Variants in RASA3 observed in about 807,000 individuals in gnomAD.
RASA3 encodes ras GTPase-activating protein 3.
RASA3 carries 73 observed loss-of-function variants against 110.0 expected under a neutral mutation model. The ratio of observed to expected loss-of-function variants is 0.66; its 90% CI spans 0.55 to 0.81. RASA3 has a LOEUF of 0.81. RASA3 is among the 30% of genes least tolerant of loss of function. The pLI is 0.00. For synonymous variants in RASA3, 500 were observed against 451.4 expected (o/e 1.11, Z -1.37); for missense variants, 976 against 1,113.2 (o/e 0.88, Z 1.75).
intron 4 of RASA3, among the ~76,000 whole-genome samples, chr13:114,038,200 C>T (rs1431887923): frequency 6.6e-6 from 1 of 152,228 alleles, no homozygotes; most frequent in African/African-American, 2.4e-5. Context: ...GACGGAGACC[C>T]CAGCGACGGC....
chr13:114,075,367 GC>G (rs2079651459), intron 1 of RASA3, among the ~76,000 whole-genome samples: 1 of 152,224 alleles, frequency 6.6e-6, no homozygotes, highest in Non-Finnish European at 1.5e-5. Flanking sequence ...TCAGTTTGAA[GC>G]TTTTTAAAGA....
At position 113,984,258 on chromosome 13, in the gene RASA3, TGTCCATCCACCCATCACTCATCCCTCG is replaced by T. The variant is rs1442856631; in HGVS notation, c.2246-2427_2246-2401del. On this transcript the variant is annotated intron_variant, in intron 22 of 23. Coordinates refer to ENST00000334062, the MANE Select transcript of RASA3 (RefSeq NM_007368.4). ...TCCATCCATCCATTACTCACCCATC[TGTCCATCCACCCATCACTCATCCCTCG>T]GTCCATCCACCCATCACTCACCCTA... Among the ~76,000 whole-genome samples the T allele has an allele frequency of 1.3e-4, 14 of 105,424 alleles. 1 individual carries two copies. The South Asian group carries it at 1.6e-3, about 12-fold the overall frequency. The allele number at this position is 105,424 out of a possible 152,430, so 69.2% of individuals were successfully genotyped here.
At chr13:114,030,163 G>A (rs2054120172) in intron 4 of RASA3, among the ~76,000 whole-genome samples, 1 of 152,248 alleles carries the variant, frequency 6.6e-6, no homozygotes, top group South Asian at 2.1e-4. Flanking sequence ...AGAAGTGAGG[G>A]GTCCAACCGT....
At chr13:114,117,755 TGCACGTGTGTGAGA>T (rs1349292080) in intron 1 of RASA3, among the ~76,000 whole-genome samples, 7 of 113,380 alleles carry the variant, frequency 6.2e-5, no homozygotes, top group South Asian at 3.0e-4. Context: ...GTGTGAGGGA[TGCACGTGTGTGAGA>T]GCACGTGTGT....
chr13:114,075,968 G>A lies in RASA3; in HGVS notation c.56-2131C>T, dbSNP rs528261300. Among the ~76,000 whole-genome samples, 721 of 146,116 alleles carry A rather than the reference G, an allele frequency of 4.9e-3. 8 individuals carry two copies. The highest frequency in any genetic ancestry group is 6.8e-3 in the Non-Finnish European group (444 of 65,664). ...GGCGCCGCGTATCTCTGGGTGTGGA[G>A]GCGCCGGCAGGACGAAGCCTCCCGT... is the stretch of plus-strand genomic sequence containing the variant. On this transcript the variant is annotated intron_variant, in intron 1 of 23. Coordinates refer to ENST00000334062, the MANE Select transcript of RASA3 (RefSeq NM_007368.4).
intron 1 of RASA3, among the ~76,000 whole-genome samples, chr13:114,104,184 A>G (rs867154953): frequency 5.2e-4 from 17 of 32,980 alleles, no homozygotes; most frequent in African/African-American, 2.6e-3. Context: ...CCCTGGCCAC[A>G]GACACCCACC....
intron 22 of RASA3, among the ~76,000 whole-genome samples, chr13:113,991,612 G>C (rs993636573): frequency 6.6e-6 from 1 of 152,168 alleles, no homozygotes; most frequent in Non-Finnish European, 1.5e-5. Flanking sequence ...GGCTTATCTG[G>C]ATTGCTATTT....
At chr13:114,017,594 G>A (rs995527321) in intron 11 of RASA3, among the ~76,000 whole-genome samples, 5 of 152,244 alleles carry the variant, frequency 3.3e-5, no homozygotes, top group African/African-American at 1.2e-4. Context: ...ACCAGCTCAG[G>A]AGGAGCCTGG....
At chr13:114,019,830 T>G (rs1160548165) in intron 9 of RASA3, among the ~76,000 whole-genome samples, 28 of 24,674 alleles carry the variant, frequency 1.1e-3, no homozygotes, top group African/African-American at 1.7e-3. Context: ...TTAGCAGCCC[T>G]GTCAGGTGGG....
intron 20 of RASA3, among the ~76,000 whole-genome samples, chr13:113,999,030 A>G (rs1279036823): frequency 4.0e-5 from 5 of 124,694 alleles, no homozygotes; most frequent in African/African-American, 1.6e-4. Context: ...GTGAAGGGAG[A>G]AGGAACAAGT....
chr13:114,122,465 T>C lies in RASA3; in HGVS notation c.55+9970A>G, dbSNP rs377637111. Among the ~76,000 whole-genome samples, 7 of 152,258 alleles carry C rather than the reference T, an allele frequency of 4.6e-5. No individual in the cohort carries two copies. In the East Asian group the frequency reaches 7.7e-4, roughly 17 times the overall value. ...CTGACCCCAGCCTTGGAAACCCCCA[T>C]GCAGCCTGGGCCAGAATGAAGTAGG... On this transcript the variant is annotated intron_variant, in intron 1 of 23. Transcript: ENST00000334062.
intron 3 of RASA3, among the ~76,000 whole-genome samples, chr13:114,046,608 T>C (rs1157763823): frequency 6.6e-6 from 1 of 152,220 alleles, no homozygotes; most frequent in East Asian, 1.9e-4. Flanking sequence ...GGCGTTGCCA[T>C]GGCAATGGTA....
At chr13:114,033,727 G>A (rs2054226875) in intron 4 of RASA3, among the ~76,000 whole-genome samples, 1 of 152,232 alleles carries the variant, frequency 6.6e-6, no homozygotes, top group Admixed American at 6.5e-5. Flanking sequence ...GAATGGAACT[G>A]GGTCTGTGCT....
At chr13:114,069,651 C>T (rs1468293181) in intron 2 of RASA3, among the ~76,000 whole-genome samples, 5 of 38,508 alleles carry the variant, frequency 1.3e-4, no homozygotes, top group African/African-American at 1.2e-4. Context: ...CCGGGAGACT[C>T]GGGGAGCCGG....
At chr13:114,018,020 C>T in intron 11 of RASA3, 84 bp downstream of exon 11, 1 of 1,396,034 alleles carries the variant, frequency 7.2e-7, no homozygotes, top group Non-Finnish European at 9.4e-7. Context: ...AGCCCTGCCC[C>T]AGGACACGTG....
intron 1 of RASA3, among the ~76,000 whole-genome samples, 158 bp downstream of exon 1, chr13:114,132,277 G>A (rs550874267): frequency 6.6e-6 from 1 of 152,280 alleles, no homozygotes; most frequent in South Asian, 2.1e-4. Flanking sequence ...GGTGGGGAGG[G>A]GCCGCGGAGC....
intron 23 of RASA3, 146 bp from the exon 24 acceptor site, chr13:113,979,568 T>C (rs1298060011): frequency 1.3e-5 from 9 of 709,020 alleles, no homozygotes. Context: ...GGAACCACAG[T>C]GCCCCCGGAA....
chr13:114,132,249 G>C (rs2080530406), intron 1 of RASA3, among the ~76,000 whole-genome samples, 186 bp downstream of exon 1: 1 of 152,162 alleles, frequency 6.6e-6, no homozygotes, highest in Non-Finnish European at 1.5e-5. Context: ...CCCAGCCCGA[G>C]GCCCGGGGAG....
At chr13:113,980,130 T>C (rs1319411094) in intron 23 of RASA3, among the ~76,000 whole-genome samples, 2 of 135,396 alleles carry the variant, frequency 1.5e-5, no homozygotes, top group African/African-American at 5.7e-5. Flanking sequence ...ACCTCCTCTG[T>C]GTGTACCTCC....
Sources: gnomAD v4.1 joint callset for allele counts (sites outside exome capture counted in the v4.1 genomes callset) on GRCh38, gnomAD v4.1.1 for gene constraint, MANE v1.5 for transcripts, NCBI Gene and HGNC (gene_info 2026-07-23, HGNC 2026-07-21) for gene names.